The following IMMP2L variants were observed in gnomAD, a reference collection of about 807,000 sequenced individuals.
IMMP2L encodes the protein inner mitochondrial membrane peptidase subunit 2.
A neutral mutation model predicts 19.3 loss-of-function variants in IMMP2L; 18 were observed. The ratio of observed to expected loss-of-function variants is 0.93; its 90% CI spans 0.64 to 1.38. The LOEUF (loss-of-function observed/expected upper bound fraction) is 1.38, where lower values mean the gene tolerates loss of function less well. IMMP2L is among the 40% of genes most tolerant of loss of function. IMMP2L has a pLI of 0.00. For synonymous variants in IMMP2L, 76 were observed against 73.0 expected, an observed-to-expected ratio of 1.04 and a Z score of -0.21; for missense variants, 233 against 218.2, an observed-to-expected ratio of 1.07 and a Z score of -0.43.
chr7:111,164,893 T>A (rs1465055589), intron 3 of IMMP2L, among the ~76,000 whole-genome samples: 1 of 152,058 alleles, frequency 6.6e-6, no homozygotes, highest in Non-Finnish European at 1.5e-5. Flanking sequence ...TTTCTAATTA[T>A]TTTTTACTGT....
chr7:111,374,179 T>C (rs755074035), intron 3 of IMMP2L, among the ~76,000 whole-genome samples: 1 of 152,100 alleles, frequency 6.6e-6, no homozygotes, highest in Non-Finnish European at 1.5e-5. Flanking sequence ...AGCTTGATAT[T>C]GTCAGGTGTC....
At chr7:111,403,893 A>G in intron 3 of IMMP2L, among the ~76,000 whole-genome samples, 1 of 152,160 alleles carries the variant, frequency 6.6e-6, no homozygotes, top group East Asian at 1.9e-4. Context: ...AAAATTAGCC[A>G]TGCCACTTGG....
chr7:111,316,699 T>C (rs1824118213), intron 3 of IMMP2L, among the ~76,000 whole-genome samples: 2 of 151,988 alleles, frequency 1.3e-5, no homozygotes, highest in African/African-American at 4.8e-5. Context: ...TCAAAATGTA[T>C]TATCTCATAA....
At chr7:110,840,324 A>G (rs1022901522) in intron 5 of IMMP2L, among the ~76,000 whole-genome samples, 1 of 152,080 alleles carries the variant, frequency 6.6e-6, no homozygotes, top group African/African-American at 2.4e-5. Flanking sequence ...AATTCCACCA[A>G]ATTGAATGTG....
intron 3 of IMMP2L, among the ~76,000 whole-genome samples, chr7:111,117,285 T>A (rs1184113829): frequency 1.3e-5 from 2 of 152,128 alleles, no homozygotes; most frequent in East Asian, 3.8e-4. Context: ...AATAGTATCA[T>A]GTAAGTTTGG....
intron 3 of IMMP2L, among the ~76,000 whole-genome samples, chr7:110,983,731 G>A (rs546400659): frequency 3.9e-5 from 6 of 151,970 alleles, no homozygotes; most frequent in South Asian, 2.1e-4. Flanking sequence ...TGACTGTCTC[G>A]GTATTGAGGC....
chr7:110,771,445 G>A (rs1001868085), intron 5 of IMMP2L, among the ~76,000 whole-genome samples: 1 of 152,156 alleles, frequency 6.6e-6, no homozygotes, highest in African/African-American at 2.4e-5. Flanking sequence ...CTGGAGCAGG[G>A]TGGTTGAGAG....
chr7:111,025,449 A>G (rs1269457646), intron 3 of IMMP2L, among the ~76,000 whole-genome samples: 2 of 152,224 alleles, frequency 1.3e-5, no homozygotes, highest in Non-Finnish European at 2.9e-5. Context: ...AAGCATAAAG[A>G]TTACATCCAA....
At chr7:111,433,216 A>G (rs1239998686) in intron 3 of IMMP2L, among the ~76,000 whole-genome samples, 1 of 151,796 alleles carries the variant, frequency 6.6e-6, no homozygotes, top group Non-Finnish European at 1.5e-5. Context: ...TGCTTATCTC[A>G]TGAGAACTCA....
chr7:111,328,042 A>C (rs2130614437), intron 3 of IMMP2L, among the ~76,000 whole-genome samples: 1 of 151,902 alleles, frequency 6.6e-6, no homozygotes. Context: ...ATTAAACTAA[A>C]AAATATTTTT....
intron 3 of IMMP2L, among the ~76,000 whole-genome samples, chr7:111,297,898 C>A (rs1282274195): frequency 1.3e-5 from 2 of 151,936 alleles, no homozygotes; most frequent in Non-Finnish European, 2.9e-5. Context: ...TTTCATGCAG[C>A]CAGAAGCAGG....
intron 5 of IMMP2L, among the ~76,000 whole-genome samples, chr7:110,686,316 T>C (rs190713083): frequency 1.6e-4 from 24 of 152,184 alleles, no homozygotes; most frequent in Non-Finnish European, 2.1e-4. Flanking sequence ...ACCTATTTCT[T>C]GAGGTTTGTC....
At chr7:111,150,807 T>C (rs754009746) in intron 3 of IMMP2L, among the ~76,000 whole-genome samples, 1 of 152,214 alleles carries the variant, frequency 6.6e-6, no homozygotes, top group African/African-American at 2.4e-5. Context: ...CTAATCTTTT[T>C]TGAGATTAAT....
intron 3 of IMMP2L, among the ~76,000 whole-genome samples, chr7:111,149,185 T>C (rs1803808938): frequency 6.6e-6 from 1 of 152,162 alleles, no homozygotes; most frequent in African/African-American, 2.4e-5. Flanking sequence ...TGTTTTATAA[T>C]AAGTTATTAC....
At chr7:111,445,987 C>A (rs962406407) in intron 3 of IMMP2L, among the ~76,000 whole-genome samples, 1 of 151,886 alleles carries the variant, frequency 6.6e-6, no homozygotes, top group Non-Finnish European at 1.5e-5. Context: ...CCGAATATTG[C>A]GCTTTTCAGA....
chr7:110,935,184 C>A (rs985046088), intron 4 of IMMP2L, among the ~76,000 whole-genome samples: 1 of 152,146 alleles, frequency 6.6e-6, no homozygotes, highest in Non-Finnish European at 1.5e-5. Flanking sequence ...TCTTGTAGGG[C>A]AGGCCTGGTG....
chr7:110,749,178 A>G (rs951492281), intron 5 of IMMP2L, among the ~76,000 whole-genome samples: 1 of 152,264 alleles, frequency 6.6e-6, no homozygotes, highest in Non-Finnish European at 1.5e-5. Context: ...GAGAAATGCA[A>G]ATCAAAACCA....
At chr7:111,476,791 A>G (rs952272876) in intron 3 of IMMP2L, among the ~76,000 whole-genome samples, 1 of 152,234 alleles carries the variant, frequency 6.6e-6, no homozygotes, top group Admixed American at 6.5e-5. Context: ...AATGTGTTGC[A>G]TCCTTCTTGT....
At chr7:111,561,731 A>C (rs1792089396) in intron 1 of IMMP2L, 120 bp downstream of exon 1, 1 of 152,724 alleles carries the variant, frequency 6.5e-6, no homozygotes, top group South Asian at 2.1e-4. Flanking sequence ...TTCCCGATGA[A>C]AAGGTAGAAT....
Sources: allele counts gnomAD v4.1 joint callset (sites outside exome capture counted in the v4.1 genomes callset), GRCh38; gene constraint gnomAD v4.1.1; transcripts MANE v1.5; gene names NCBI Gene and HGNC (gene_info 2026-07-23, HGNC 2026-07-21).